Variants in PCDH11X observed in about 807,000 individuals in gnomAD.
PCDH11X encodes the protein protocadherin-11 X-linked.
Under a neutral mutation model 53.3 loss-of-function variants are expected in PCDH11X, and 18 were observed. The ratio of observed to expected loss-of-function variants is 0.34; its 90% CI spans 0.23 to 0.50. The LOEUF (loss-of-function observed/expected upper bound fraction) is 0.50, where lower values mean the gene tolerates loss of function less well. Ranked by LOEUF, PCDH11X falls within the 20% of genes least tolerant of loss-of-function variation. The pLI, the probability that PCDH11X is intolerant of heterozygous loss-of-function variation, is 0.98. For missense variants in PCDH11X, 570 were observed against 1,032.4 expected, an observed-to-expected ratio of 0.55 and a Z score of 6.14; for synonymous variants, 279 against 393.3, an observed-to-expected ratio of 0.71 and a Z score of 3.44.
chrX:91,911,419 G>A (rs748221079), intron 6 of PCDH11X, among the ~76,000 whole-genome samples: 1 of 109,706 alleles, frequency 9.1e-6, no homozygotes, highest in Non-Finnish European at 1.9e-5. Context: ...GGTAAATGGG[G>A]TATGCTCACC....
intron 8 of PCDH11X, among the ~76,000 whole-genome samples, chrX:92,346,597 A>G (rs2069902040): frequency 8.9e-6 from 1 of 111,793 alleles, no homozygotes; most frequent in Non-Finnish European, 1.9e-5. Flanking sequence ...TTAAGTGAAA[A>G]CATACGTAGT....
chrX:92,370,893 G>C (rs5941084), intron 8 of PCDH11X, among the ~76,000 whole-genome samples: 47 of 112,011 alleles, frequency 4.2e-4, no homozygotes, highest in Non-Finnish European at 7.1e-4. Context: ...TAGAAGCTCT[G>C]ATATGTAGTG....
intron 7 of PCDH11X, among the ~76,000 whole-genome samples, chrX:92,208,540 A>AT (rs1449447417): frequency 9.2e-5 from 2 of 21,708 alleles, no homozygotes; most frequent in African/African-American, 2.5e-4. Context: ...TATATATACA[A>AT]TTTTTTTTAA....
At chrX:92,011,067 A>T (rs1364745281) in intron 6 of PCDH11X, among the ~76,000 whole-genome samples, 2 of 110,988 alleles carry the variant, frequency 1.8e-5, no homozygotes, top group African/African-American at 6.6e-5. Flanking sequence ...TATTCTTTTT[A>T]TGGCTATGTA....
chrX:92,368,821 A>T (rs1183896748), intron 8 of PCDH11X, among the ~76,000 whole-genome samples: 3 of 109,523 alleles, frequency 2.7e-5, no homozygotes, highest in Non-Finnish European at 3.8e-5. Flanking sequence ...GGGTATCACC[A>T]GTGGAGGCTG....
intron 7 of PCDH11X, among the ~76,000 whole-genome samples, chrX:92,258,281 C>T (rs920673387): frequency 9.0e-6 from 1 of 111,086 alleles, no homozygotes; most frequent in Non-Finnish European, 1.9e-5. Flanking sequence ...GGGGGTGCTA[C>T]GGTGAAGGTG....
At chrX:92,089,589 C>G (rs987756148) in intron 6 of PCDH11X, among the ~76,000 whole-genome samples, 1 of 108,743 alleles carries the variant, frequency 9.2e-6, no homozygotes, top group Non-Finnish European at 1.9e-5. Context: ...ATGGCACAAT[C>G]TTGGCTCACT....
chrX:92,511,788 T>C (rs1175680518), intron 10 of PCDH11X, among the ~76,000 whole-genome samples: 1 of 111,488 alleles, frequency 9.0e-6, no homozygotes, highest in African/African-American at 3.3e-5. Context: ...GGCCTGAAAT[T>C]CCACAATACA....
At chrX:92,443,916 A>AT (rs1474248410) in intron 9 of PCDH11X, among the ~76,000 whole-genome samples, 29 of 110,301 alleles carry the variant, frequency 2.6e-4, no homozygotes, top group African/African-American at 8.9e-4. Context: ...GTATCATGCT[A>AT]TTTTTTTTAT....
chrX:92,078,881 T>C (rs1236554477), intron 6 of PCDH11X, among the ~76,000 whole-genome samples: 2 of 111,050 alleles, frequency 1.8e-5, no homozygotes, highest in Non-Finnish European at 3.8e-5. Context: ...CACGCCTATA[T>C]AGAATTGTCA....
chrX:92,590,304 G>C (rs886874137), intron 10 of PCDH11X, among the ~76,000 whole-genome samples: 57 of 111,290 alleles, frequency 5.1e-4, no homozygotes, highest in Admixed American at 2.9e-3. Flanking sequence ...GCAATGGCAT[G>C]GTCTTTCTTT....
intron 6 of PCDH11X, chrX:91,884,023 C>T (rs1301956220): frequency 3.3e-5 from 14 of 423,687 alleles, no homozygotes; most frequent in Non-Finnish European, 4.1e-5. Context: ...AACCCCGTCT[C>T]TTCTGAAAAA....
At chrX:92,598,151 C>T (rs1925831194) in intron 10 of PCDH11X, among the ~76,000 whole-genome samples, 1 of 111,409 alleles carries the variant, frequency 9.0e-6, no homozygotes, top group Non-Finnish European at 1.9e-5. Context: ...TAATACCCCA[C>T]AAGAACAGGC....
chrX:92,494,557 T>A (rs1394237517), intron 10 of PCDH11X, among the ~76,000 whole-genome samples: 1 of 111,981 alleles, frequency 8.9e-6, no homozygotes, highest in Non-Finnish European at 1.9e-5. Context: ...TTCTTTTTTT[T>A]AATCAGCCTT....
intron 1 of PCDH11X, among the ~76,000 whole-genome samples, chrX:91,795,523 A>G (rs1472536041): frequency 4.5e-5 from 5 of 111,914 alleles, no homozygotes; most frequent in Non-Finnish European, 9.4e-5. Context: ...TGTGTGTTAA[A>G]TAGTAAAATG....
intron 9 of PCDH11X, among the ~76,000 whole-genome samples, chrX:92,449,952 A>G (rs1406197310): frequency 1.8e-5 from 2 of 111,480 alleles, no homozygotes; most frequent in Non-Finnish European, 3.8e-5. Flanking sequence ...TTCTCTTAAA[A>G]TTTTGGAACA....
intron 8 of PCDH11X, among the ~76,000 whole-genome samples, chrX:92,280,722 A>T (rs1026193685): frequency 1.6e-4 from 18 of 109,851 alleles, no homozygotes; most frequent in African/African-American, 5.9e-4. Flanking sequence ...GAAAATGAGG[A>T]AACAATTGAG....
At chrX:92,578,000 A>G (rs1299170442) in intron 10 of PCDH11X, among the ~76,000 whole-genome samples, 2 of 108,710 alleles carry the variant, frequency 1.8e-5, no homozygotes, top group African/African-American at 3.4e-5. Flanking sequence ...CAAAGAATGC[A>G]TATTCTGTTG....
chrX:91,874,798 A>G (rs1177412305), intron 5 of PCDH11X, among the ~76,000 whole-genome samples: 6 of 90,308 alleles, frequency 6.6e-5, no homozygotes, highest in Middle Eastern at 0.01. Flanking sequence ...AATGTGATTG[A>G]AATACATTTA....
Sources: allele counts gnomAD v4.1 joint callset (sites outside exome capture counted in the v4.1 genomes callset), GRCh38; gene constraint gnomAD v4.1.1; transcripts MANE v1.5; gene names NCBI Gene and HGNC (gene_info 2026-07-23, HGNC 2026-07-21).